The following CCDC14 variants were observed in gnomAD, a reference collection of about 807,000 sequenced individuals.
CCDC14 encodes coiled-coil domain containing 14.
CCDC14 carries 71 observed loss-of-function variants against 81.4 expected under a neutral mutation model. The ratio of observed to expected loss-of-function variants is 0.87; its 90% confidence interval spans 0.72 to 1.06. The LOEUF (loss-of-function observed/expected upper bound fraction) is 1.06. CCDC14 is among the 50% of genes least tolerant of loss of function. The probability of loss-of-function intolerance (pLI) is 0.00; values close to 1 mark genes in which losing one functional copy is unlikely to be tolerated. For missense variants in CCDC14, 1,046 were observed against 1,047.3 expected (o/e 1.00, Z 0.02); for synonymous variants, 332 against 364.8 (o/e 0.91, Z 1.03).
intron 12 of CCDC14, among the ~76,000 whole-genome samples, chr3:123,919,953 TA>T (rs1219215902): frequency 6.6e-6 from 1 of 152,204 alleles, no homozygotes; most frequent in East Asian, 1.9e-4. Flanking sequence ...GAATTGAGAA[TA>T]ATCTTCTCTT....
intron 12 of CCDC14, among the ~76,000 whole-genome samples, chr3:123,924,915 ATATATATATATACACACACATATATATG>A (rs1201123272): frequency 1.0e-5 from 1 of 99,024 alleles, no homozygotes; most frequent in African/African-American, 1.1e-4. Context: ...ACATATCCAT[ATATATATATATACACACACATATATATG>A]TATACATATA....
At position 123,960,079 on chromosome 3, in the gene CCDC14, A is replaced by T. The variant is rs138752035; in HGVS notation, c.30+1065T>A. On this transcript the variant is annotated intron_variant, in intron 1 of 12. Transcript: ENST00000409697. ...TAATAACCCTTGATACAAACTGCAA[A>T]GCTGCTCTCCAAAAGGAGTGTCCTA... is the stretch of plus-strand genomic sequence containing the variant. Among the ~76,000 whole-genome samples the T allele has an allele frequency of 5.9e-3, 905 of 152,322 alleles. 6 individuals are homozygous for T. Among genetic ancestry groups the T allele is most frequent in the African/African-American group, 0.019 (808 of 41,580 alleles).
At chr3:123,951,056 A>G (rs1272787107) in intron 5 of CCDC14, among the ~76,000 whole-genome samples, 5 of 152,194 alleles carry the variant, frequency 3.3e-5, no homozygotes, top group Admixed American at 3.3e-4. Context: ...ATCTACTCCT[A>G]TAAATGTACT....
At chr3:123,900,330 G>A (rs1269336533) in intron 5 of CCDC14, among the ~76,000 whole-genome samples, 1 of 152,150 alleles carries the variant, frequency 6.6e-6, no homozygotes, top group African/African-American at 2.4e-5. Context: ...TGGAAAAACT[G>A]GCTAATTAAG....
chr3:123,944,587 A>G (rs1194372519), intron 9 of CCDC14, among the ~76,000 whole-genome samples: 1 of 152,180 alleles, frequency 6.6e-6, no homozygotes, highest in African/African-American at 2.4e-5. Flanking sequence ...TCTGATAAAT[A>G]TACAGAGGTA....
In CCDC14 at chr3:123,915,258, T is replaced by A. The variant is rs151156664; in HGVS notation, c.2239A>T (p.Lys747Ter). 10 of 1,613,840 alleles carry A rather than the reference T, an allele frequency of 6.2e-6. No individual in the cohort carries two copies. The African/African-American group carries it at 1.3e-4, about 22-fold the overall frequency. ...ATTTGTGGCTGAGGGGATAGTCTCT[T>A]AGAAAGTGGTGATTTCTTTTCAGGA... ...STPEKKSPLS[K>*]RLSPQPQIRA... is the part of the protein sequence containing the mutation. The change falls in exon 13 of 13, where the codon AAG becomes TAG. Residue 747 changes from lysine to a stop codon, truncating the protein, a stop_gained. Coordinates refer to ENST00000409697, the MANE Select transcript of CCDC14 (RefSeq NM_001366335.1). LOFTEE classifies it low-confidence loss of function (END_TRUNC).
chr3:123,915,559 T>C lies in CCDC14; in HGVS notation c.1938A>G (p.Leu646=). 1 of 1,614,036 alleles carries C rather than the reference T, an allele frequency of 6.2e-7. No homozygotes were observed. Among genetic ancestry groups the C allele is most frequent in the Non-Finnish European group, 8.5e-7 (1 of 1,179,894 alleles). Residue 646 remains leucine (L), a synonymous_variant, in exon 13 of 13, where the codon CTA becomes CTG. Coordinates refer to ENST00000409697, the MANE Select transcript of CCDC14 (RefSeq NM_001366335.1). The part of the protein sequence containing the change: ...APAHTSIMSY[L]NKLETNYSFT... ...AACTGTAATTTGTTTCTAACTTATT[T>C]AGATAGCTCATTATGGAAGTGTGAG...
intron 5 of CCDC14, among the ~76,000 whole-genome samples, chr3:123,906,991 C>G (rs928873495): frequency 6.6e-6 from 1 of 152,166 alleles, no homozygotes; most frequent in Admixed American, 6.5e-5. Flanking sequence ...TGCTTCTCTG[C>G]TCAGTGCTCT....
At chr3:123,909,888 A>C (rs1167384774), downstream of CCDC14, among the ~76,000 whole-genome samples, 1 of 152,158 alleles carries the variant, frequency 6.6e-6, no homozygotes, top group Non-Finnish European at 1.5e-5. Context: ...GCAACTGAGA[A>C]TCACAACATC....
At chr3:123,900,345 G>T (rs2034154471) in intron 5 of CCDC14, among the ~76,000 whole-genome samples, 2 of 152,188 alleles carry the variant, frequency 1.3e-5, no homozygotes, top group Non-Finnish European at 2.9e-5. Context: ...ATTAAGTCAA[G>T]AGCCCTCACA....
Position 123,956,354 on chromosome 3 carries a change from C to G in CCDC14, c.159+1G>C, listed in dbSNP as rs1559809208. On this transcript the variant is annotated splice_donor_variant, in intron 3 of 12. Coordinates refer to ENST00000409697, the MANE Select transcript of CCDC14 (RefSeq NM_001366335.1). LOFTEE classifies it high-confidence loss of function. ...TGTGTATTGTATCTATTCAATCTTA[C>G]CTGACTTTCTGAATCAGAATGGATG... is the stretch of plus-strand genomic sequence containing the variant. 6.5e-7 allele frequency: 1 copy of G among 1,539,256 alleles called. No homozygotes were observed. The highest frequency in any genetic ancestry group is 8.8e-7 in the Non-Finnish European group (1 of 1,139,808).
intron 9 of CCDC14, among the ~76,000 whole-genome samples, chr3:123,938,359 T>A (rs1220447444): frequency 6.6e-6 from 1 of 151,958 alleles, no homozygotes; most frequent in Non-Finnish European, 1.5e-5. Flanking sequence ...ATCCCTAAAT[T>A]GTTCATATTT....
At chr3:123,926,795 G>C (rs1489279220) in intron 12 of CCDC14, among the ~76,000 whole-genome samples, 3 of 151,986 alleles carry the variant, frequency 2.0e-5, no homozygotes, top group African/African-American at 7.2e-5. Flanking sequence ...GTCTGAGAAA[G>C]GCATTCAGAA....
At chr3:123,934,528 T>C (rs1156716112) in intron 9 of CCDC14, among the ~76,000 whole-genome samples, 1 of 152,144 alleles carries the variant, frequency 6.6e-6, no homozygotes, top group East Asian at 1.9e-4. Flanking sequence ...TGTCATATGC[T>C]GAAACACAAA....
intron 11 of CCDC14, 23 bp downstream of exon 11, chr3:123,931,285 A>G: frequency 6.4e-7 from 1 of 1,574,762 alleles, no homozygotes. Context: ...AGATGTGACC[A>G]TAACTACTGT....
rs199658457 is a variant in CCDC14, at chr3:123,915,489, T to C, written c.2008A>G (p.Ile670Val). The change falls in exon 13 of 13, where the codon ATA becomes GTA. Residue 670 changes from isoleucine to valine, a missense_variant. Transcript: ENST00000409697. ...TTTTCATAGGTTTTGTCTGGCTCTATGGTTTCCTCATTTTTAATTGTAGAA... is the reference window on the plus strand; with the variant it reads ...TTTTCATAGGTTTTGTCTGGCTCTACGGTTTCCTCATTTTTAATTGTAGAA... ...PLSTIKNEETIEPDKTYENVL... is the reference protein window; with the variant it reads ...PLSTIKNEETVEPDKTYENVL... 5.3e-5 allele frequency: 86 copies of C among 1,613,906 alleles called. No individual in the cohort carries two copies. The Middle Eastern group carries it at 2.0e-3, about 37-fold the overall frequency.
chr3:123,887,611 T>C, the CCDC14 span, among the ~76,000 whole-genome samples: 1 of 152,238 alleles, frequency 6.6e-6, no homozygotes, highest in Non-Finnish European at 1.5e-5. Context: ...TTCTGGTTTG[T>C]AGACGGCACC....
In CCDC14 at chr3:123,952,642, T is replaced by A. The variant is rs761431500; in HGVS notation, c.352+3201A>T. ...ATCAGGTAGGCATTCAATGATCATA[T>A]CATCCCAGATAGAAAGTACATAAGG... is the stretch of plus-strand genomic sequence containing the variant. On this transcript the variant is annotated intron_variant, in intron 5 of 12. Coordinates refer to ENST00000409697, the MANE Select transcript of CCDC14 (RefSeq NM_001366335.1). The A allele has an allele frequency of 1.1e-5, 6 of 527,528 alleles. No homozygotes were observed. In the Admixed American group the frequency reaches 1.2e-4, roughly 10 times the overall value. 32.7% of individuals were successfully genotyped at this position (527,528 alleles called of 1,614,324 possible).
intron 7 of CCDC14, 43 bp from the exon 8 acceptor site, chr3:123,947,362 A>G: frequency 7.1e-7 from 1 of 1,411,016 alleles, no homozygotes; most frequent in South Asian, 1.3e-5. Context: ...ATGAGCACTC[A>G]TTTGTAGGTA....
Sources: allele counts gnomAD v4.1 joint callset (sites outside exome capture counted in the v4.1 genomes callset), GRCh38; gene constraint gnomAD v4.1.1; transcripts MANE v1.5; gene names NCBI Gene and HGNC (gene_info 2026-07-23, HGNC 2026-07-21).